The following CNBD1 variants were observed in gnomAD, a reference collection of about 807,000 sequenced individuals.
The protein encoded by CNBD1 is cyclic nucleotide binding domain containing 1.
A neutral mutation model predicts 54.4 loss-of-function variants in CNBD1; 71 were observed. The observed-to-expected ratio is 1.30, with a 90% confidence interval of 1.08 to 1.59. CNBD1 has a LOEUF of 1.59. Among genes scored for constraint, CNBD1 ranks in the 40% most tolerant of loss-of-function variants. The probability of loss-of-function intolerance (pLI) is 0.00; values close to 1 mark genes in which losing one functional copy is unlikely to be tolerated. For missense variants in CNBD1, 659 were observed against 518.0 expected, an observed-to-expected ratio of 1.27 and a Z score of -2.64; for synonymous variants, 182 against 170.7, an observed-to-expected ratio of 1.07 and a Z score of -0.51.
intron 6 of CNBD1, among the ~76,000 whole-genome samples, chr8:87,249,659 A>G (rs1309701363): frequency 2.0e-5 from 3 of 152,160 alleles, no homozygotes; most frequent in Admixed American, 6.5e-5. Context: ...TTCATGATCT[A>G]TGTGCACTTT....
chr8:87,058,407 T>C (rs960034260), intron 4 of CNBD1, among the ~76,000 whole-genome samples: 2 of 152,194 alleles, frequency 1.3e-5, no homozygotes, highest in African/African-American at 4.8e-5. Context: ...AGTGTTCCAG[T>C]TGGGACTCTG....
chr8:87,332,477 T>C (rs867702131), intron 8 of CNBD1, among the ~76,000 whole-genome samples: 2 of 152,328 alleles, frequency 1.3e-5, no homozygotes, highest in Non-Finnish European at 2.9e-5. Context: ...TGAATGGTAT[T>C]GCCTAGGTTT....
chr8:86,925,488 T>A (rs1246366418), intron 3 of CNBD1, among the ~76,000 whole-genome samples: 7 of 42,688 alleles, frequency 1.6e-4, no homozygotes, highest in African/African-American at 5.7e-4. Context: ...AAAAAGTGTG[T>A]GTGTGTGTGT....
In CNBD1 at chr8:87,229,155, T is replaced by C. The variant is rs545731534; in HGVS notation, c.578-7764T>C. Among the ~76,000 whole-genome samples, 14 of 152,240 alleles carry C rather than the reference T, an allele frequency of 9.2e-5. No individual in the cohort carries two copies. In the South Asian group the frequency reaches 2.9e-3, roughly 32 times the overall value. ...CTGACCTGCGCCCGCTGTCTGGCAC[T>C]CCCTAGTGAGATGAACCCGGTACCT... On this transcript the variant is annotated intron_variant, in intron 5 of 10. Coordinates refer to ENST00000518476, the MANE Select transcript of CNBD1 (RefSeq NM_173538.3).
intron 6 of CNBD1, among the ~76,000 whole-genome samples, chr8:87,266,211 G>C (rs748800958): frequency 4.0e-5 from 6 of 151,562 alleles, no homozygotes; most frequent in Non-Finnish European, 7.4e-5. Flanking sequence ...CAGGTTCCTT[G>C]TGGAACTTGA....
chr8:87,353,685 C>G lies in CNBD1; in HGVS notation c.1202C>G (p.Ser401Cys). Residue 401 changes from serine to cysteine, a missense_variant, in exon 10 of 11, where the codon TCC (serine) becomes TGC (cysteine). Transcript: ENST00000518476. Reference protein sequence around the residue: ...VYMGKLKEKESFGEISVLLQV... With the variant: ...VYMGKLKEKECFGEISVLLQV... ...ATGGGGAAACTTAAGGAGAAGGAGT[C>G]CTTTGGTGAGATTAGCGTCCTTCTT... is the stretch of plus-strand genomic sequence containing the variant. The G allele has an allele frequency of 6.2e-7, 1 of 1,608,008 alleles. No individual in the cohort carries two copies. Among genetic ancestry groups the G allele is most frequent in the Non-Finnish European group, 8.5e-7 (1 of 1,176,770 alleles).
At chr8:87,363,968 GTTTT>G (rs34647090) in intron 10 of CNBD1, among the ~76,000 whole-genome samples, 35 of 144,744 alleles carry the variant, frequency 2.4e-4, no homozygotes, top group African/African-American at 8.6e-4. Flanking sequence ...GGAAATTTTG[GTTTT>G]TTTTTTTTTA....
chr8:86,993,368 TTA>T (rs1214537828), intron 4 of CNBD1, among the ~76,000 whole-genome samples: 1 of 152,204 alleles, frequency 6.6e-6, no homozygotes, highest in African/African-American at 2.4e-5. Context: ...ATGGATTGTT[TTA>T]CTAGAGTCCT....
intron 4 of CNBD1, among the ~76,000 whole-genome samples, chr8:87,159,195 A>G (rs1006823938): frequency 2.0e-5 from 3 of 152,170 alleles, no homozygotes; most frequent in African/African-American, 4.8e-5. Flanking sequence ...GTCAGTTTCT[A>G]TTAGTACCTG....
chr8:87,370,448 G>A (rs1197350480), intron 10 of CNBD1, among the ~76,000 whole-genome samples: 1 of 152,080 alleles, frequency 6.6e-6, no homozygotes, highest in African/African-American at 2.4e-5. Context: ...ATCTCATTGT[G>A]GTTTTGATTT....
chr8:87,079,554 G>T (rs546066225), intron 4 of CNBD1, among the ~76,000 whole-genome samples: 11 of 152,088 alleles, frequency 7.2e-5, no homozygotes, highest in African/African-American at 1.9e-4. Flanking sequence ...TTAATTTGCA[G>T]TTCTCTCATA....
chr8:87,201,953 C>G (rs1267132960), intron 4 of CNBD1, among the ~76,000 whole-genome samples: 5 of 152,002 alleles, frequency 3.3e-5, no homozygotes, highest in South Asian at 4.1e-4. Context: ...GGGGAAAAAA[C>G]TTAATATTGG....
intron 4 of CNBD1, among the ~76,000 whole-genome samples, chr8:87,090,114 T>A (rs1811176614): frequency 6.6e-6 from 1 of 152,190 alleles, no homozygotes; most frequent in Admixed American, 6.5e-5. Flanking sequence ...TTAATTAATA[T>A]GCAGTTCATA....
intron 1 of CNBD1, among the ~76,000 whole-genome samples, chr8:86,870,228 G>A (rs184653346): frequency 3.6e-4 from 49 of 134,828 alleles, no homozygotes; most frequent in Middle Eastern, 4.1e-3. Flanking sequence ...TCGCTCTGTC[G>A]CCCAGGCTGG....
chr8:87,371,232 A>G (rs1277080389), intron 10 of CNBD1, among the ~76,000 whole-genome samples: 1 of 151,986 alleles, frequency 6.6e-6, no homozygotes, highest in African/African-American at 2.4e-5. Context: ...GTTCCATATG[A>G]ACTTTAAAGT....
At chr8:87,321,363 G>A (rs1809524486) in intron 8 of CNBD1, among the ~76,000 whole-genome samples, 1 of 152,090 alleles carries the variant, frequency 6.6e-6, no homozygotes, top group Non-Finnish European at 1.5e-5. Context: ...GTGTTTGTTT[G>A]CTTGTTTGTT....
intron 8 of CNBD1, among the ~76,000 whole-genome samples, chr8:87,294,298 T>G (rs113084853): frequency 3.9e-5 from 6 of 152,336 alleles, no homozygotes; most frequent in African/African-American, 1.4e-4. Context: ...TCCACTTCTT[T>G]GCAATGCTGA....
In CNBD1 at chr8:87,011,937, TAAAG is replaced by T. The variant is rs1809231112; in HGVS notation, c.431+72186_431+72189del. On this transcript the variant is annotated intron_variant, in intron 4 of 10. Transcript: ENST00000518476. Reference sequence around the variant, plus strand: ...AACAGATTAATTGGAGTTTAAGAGCTAAAGAACATCTGGGAACTTTGTTTTGTAT... The same window carrying T: ...AACAGATTAATTGGAGTTTAAGAGCTAACATCTGGGAACTTTGTTTTGTAT... Among the ~76,000 whole-genome samples the T allele has an allele frequency of 2.6e-5, 4 of 152,164 alleles. No individual in the cohort carries two copies. In the South Asian group the frequency reaches 8.3e-4, roughly 31 times the overall value.
intron 10 of CNBD1, among the ~76,000 whole-genome samples, chr8:87,377,221 A>G (rs1810966827): frequency 6.6e-6 from 1 of 151,432 alleles, no homozygotes; most frequent in Non-Finnish European, 1.5e-5. Context: ...TTACATATGT[A>G]TACATGTGCC....
Sources: allele counts gnomAD v4.1 joint callset (sites outside exome capture counted in the v4.1 genomes callset), GRCh38; gene constraint gnomAD v4.1.1; transcripts MANE v1.5; gene names NCBI Gene and HGNC (gene_info 2026-07-23, HGNC 2026-07-21).